The following KCNQ1 variants were observed in gnomAD, a reference collection of about 807,000 sequenced individuals.
The protein encoded by KCNQ1 is potassium voltage-gated channel subfamily Q member 1.
A neutral mutation model predicts 72.4 loss-of-function variants in KCNQ1; 49 were observed. The ratio of observed to expected loss-of-function variants is 0.68; its 90% confidence interval spans 0.54 to 0.86. The LOEUF is 0.86. Ranked by LOEUF, KCNQ1 falls within the 40% of genes least tolerant of loss-of-function variation. The pLI is 0.00. For synonymous variants in KCNQ1, 450 were observed against 412.6 expected, an observed-to-expected ratio of 1.09 and a Z score of -1.10; for missense variants, 790 against 945.1, an observed-to-expected ratio of 0.84 and a Z score of 2.15.
rs867643521 is a variant in KCNQ1 at position 2,536,561 on chromosome 11, C to T, written c.477+8543C>T. ...GGAGGGTAACATGTGATTTTGAGGC[C>T]ACCCGCTACAGCTTCTTGGGACCTC... On this transcript the variant is annotated intron_variant, in intron 2 of 15. Coordinates refer to ENST00000155840, the MANE Select transcript of KCNQ1 (RefSeq NM_000218.3). This position sits in a 1 kb window ranked among gnomAD's most constrained non-coding sequence, Gnocchi z 7.4. 3.9e-4 allele frequency among the ~76,000 whole-genome samples: 59 copies of T among 152,286 alleles called. No homozygotes were observed. Among genetic ancestry groups the T allele is most frequent in the African/African-American group, 1.3e-3 (52 of 41,564 alleles).
At chr11:2,519,982 G>A (rs1017966745) in intron 1 of KCNQ1, among the ~76,000 whole-genome samples, 4 of 152,374 alleles carry the variant, frequency 2.6e-5, no homozygotes, top group Admixed American at 2.6e-4. Context: ...CGGGAGTGAT[G>A]CCGCCACCCA....
rs1375263215 is a variant in KCNQ1, at chr11:2,481,500, C to T, written c.386+36016C>T. 6.6e-6 allele frequency among the ~76,000 whole-genome samples: 1 copy of T among 152,120 alleles called. No homozygotes were observed. Among genetic ancestry groups the T allele is most frequent in the East Asian group, 1.9e-4 (1 of 5,188 alleles). On this transcript the variant is annotated intron_variant, in intron 1 of 15. Transcript: ENST00000155840. The surrounding 1 kb of genome is among the most constrained non-coding windows in gnomAD (Gnocchi z 4.6). Reference sequence around the variant, plus strand: ...GCTGTGTGGCCATCAGCCAGGCGTCCCCAACCCCCAGGCCATGAAGCACTA... The same window carrying T: ...GCTGTGTGGCCATCAGCCAGGCGTCTCCAACCCCCAGGCCATGAAGCACTA...
chr11:2,584,065 C>T (rs1349064016), intron 7 of KCNQ1, among the ~76,000 whole-genome samples: 4 of 151,976 alleles, frequency 2.6e-5, no homozygotes, highest in Non-Finnish European at 5.9e-5. Context: ...TACCTGTATA[C>T]TATGGGTATG....
In KCNQ1 at chr11:2,826,796, C is replaced by T. The variant is rs1475929584; in HGVS notation, c.1795-20971C>T. On this transcript the variant is annotated intron_variant, in intron 15 of 15. Transcript: ENST00000155840. The surrounding 1 kb of genome is among the most constrained non-coding windows in gnomAD (Gnocchi z 4.2). ...GGAGCCATGCTGGGTGCTGGGGAGA[C>T]ACACTAACCACTTCCCCATATGCTC... Among the ~76,000 whole-genome samples, 1 of 152,240 alleles carries T rather than the reference C, an allele frequency of 6.6e-6. No individual in the cohort carries two copies.
intron 10 of KCNQ1, chr11:2,644,797 A>C: frequency 2.5e-6 from 1 of 398,558 alleles, no homozygotes; most frequent in Non-Finnish European, 4.4e-6. Context: ...ATCTCCATGG[A>C]ATTTTTTTCA....
In KCNQ1 at chr11:2,627,456, C is replaced by G. The variant is rs1361255550; in HGVS notation, c.1394-34505C>G. ...TTGTACCCTTCAACATTTCCTATTT[C>G]CCCTACTCCCTGACCCCTAGTAACC... On this transcript the variant is annotated intron_variant, in intron 10 of 15. Coordinates refer to ENST00000155840, the MANE Select transcript of KCNQ1 (RefSeq NM_000218.3). The surrounding 1 kb of genome is among the most constrained non-coding windows in gnomAD (Gnocchi z 4.9). The G allele has an allele frequency of 5.0e-6, 2 of 398,392 alleles. No homozygotes were observed. The allele number at this position is 398,392 out of a possible 1,614,324, so 24.7% of individuals were successfully genotyped here.
chr11:2,585,842 C>T (rs1848584742), intron 8 of KCNQ1, among the ~76,000 whole-genome samples: 1 of 152,182 alleles, frequency 6.6e-6, no homozygotes, highest in African/African-American at 2.4e-5. Context: ...AGCCCTGGAG[C>T]AACAGGGGCA....
chr11:2,681,841 C>T, intron 11 of KCNQ1: 1 of 398,572 alleles, frequency 2.5e-6, no homozygotes, highest in South Asian at 1.3e-4. Context: ...GCTCCCCAAA[C>T]ATCAAGGTAC....
rs80227704 is a variant in KCNQ1 at position 2,641,462 on chromosome 11, T to G, written c.1394-20499T>G. On this transcript the variant is annotated intron_variant, in intron 10 of 15. Coordinates refer to ENST00000155840, the MANE Select transcript of KCNQ1 (RefSeq NM_000218.3). ...TTTGAGAAATATCTATCCATGTCTTTTGCTCACTTTTTATTGGAATTAATT... is the reference window on the plus strand; with the variant it reads ...TTTGAGAAATATCTATCCATGTCTTGTGCTCACTTTTTATTGGAATTAATT... 213 of 398,456 alleles carry G rather than the reference T, an allele frequency of 5.3e-4. 2 individuals are homozygous for G. The East Asian group carries it at 7.6e-3, about 14-fold the overall frequency. 24.7% of individuals were successfully genotyped at this position (398,456 alleles called of 1,614,324 possible). A position where few individuals can be genotyped will look rare whatever the true frequency, so the allele number is the denominator to read the frequency against.
intron 1 of KCNQ1, chr11:2,461,500 C>T (rs1242626319): frequency 7.6e-7 from 1 of 1,310,626 alleles, no homozygotes; most frequent in South Asian, 1.2e-5. Context: ...AAGGCACTGT[C>T]TTTGCGCCTG....
intron 11 of KCNQ1, chr11:2,697,260 A>C (rs1850692979): frequency 2.5e-6 from 1 of 398,492 alleles, no homozygotes; most frequent in Non-Finnish European, 4.4e-6. Flanking sequence ...TGGGGGTTTC[A>C]ATAACTTTTA....
chr11:2,637,488 G>A (rs1313453481), intron 10 of KCNQ1: 2 of 152,228 alleles, frequency 1.3e-5, no homozygotes, highest in Admixed American at 1.3e-4. Context: ...ATGTCGTTGA[G>A]CGGTTTTGAG....
chr11:2,822,312 A>G (rs941035502), intron 15 of KCNQ1, among the ~76,000 whole-genome samples: 1 of 152,224 alleles, frequency 6.6e-6, no homozygotes, highest in Non-Finnish European at 1.5e-5. Context: ...ACCACAGTGC[A>G]GGATGCTGAC....
Position 2,581,814 on chromosome 11 carries a change from G to A in KCNQ1, c.922-1621G>A, listed in dbSNP as rs144684449. On this transcript the variant is annotated intron_variant, in intron 6 of 15. Coordinates refer to ENST00000155840, the MANE Select transcript of KCNQ1 (RefSeq NM_000218.3). ...AGTGTGCACCCACATACACAGAGCCGGGTGGTCCACTGAAAGGGCCTGGCA... is the reference window on the plus strand; with the variant it reads ...AGTGTGCACCCACATACACAGAGCCAGGTGGTCCACTGAAAGGGCCTGGCA... Among the ~76,000 whole-genome samples the A allele has an allele frequency of 4.0e-3, 605 of 152,342 alleles. 8 individuals are homozygous for A. Among genetic ancestry groups the A allele is most frequent in the African/African-American group, 0.013 (553 of 41,588 alleles).
rs1178447582 is a variant in KCNQ1 at position 2,456,763 on chromosome 11, TCCA to T, written c.386+11280_386+11282del. Among the ~76,000 whole-genome samples, 42 of 54,660 alleles carry T rather than the reference TCCA, an allele frequency of 7.7e-4. 3 individuals are homozygous for T. Among genetic ancestry groups the T allele is most frequent in the African/African-American group, 2.2e-3 (39 of 17,560 alleles). The allele number at this position is 54,660 out of a possible 152,430, so 35.9% of individuals were successfully genotyped here. ...GGTGAAACCCTGTCTCTACTAAAAA[TCCA>T]AAAAAAAAAAAAAAAAAAAAAAATT... On this transcript the variant is annotated intron_variant, in intron 1 of 15. Coordinates refer to ENST00000155840, the MANE Select transcript of KCNQ1 (RefSeq NM_000218.3).
chr11:2,788,997 C>T (rs1308631339), intron 15 of KCNQ1, among the ~76,000 whole-genome samples: 1 of 152,168 alleles, frequency 6.6e-6, no homozygotes, highest in Non-Finnish European at 1.5e-5. Flanking sequence ...GTCTTCAGAC[C>T]TGGCATTCTC....
rs2133633297 is a variant in KCNQ1 at position 2,495,092 on chromosome 11, T to C, written c.387-32836T>C. Among the ~76,000 whole-genome samples, 1 of 152,334 alleles carries C rather than the reference T, an allele frequency of 6.6e-6. No individual in the cohort carries two copies. Among genetic ancestry groups the C allele is most frequent in the African/African-American group, 2.4e-5 (1 of 41,576 alleles). On this transcript the variant is annotated intron_variant, in intron 1 of 15. Transcript: ENST00000155840. The surrounding 1 kb of genome is among the most constrained non-coding windows in gnomAD (Gnocchi z 4.6). ...GAGGGTGTATGTGTCCAGGAATTTATCCATTTTTTCTAGATTTTCTAGTTT... is the reference window on the plus strand; with the variant it reads ...GAGGGTGTATGTGTCCAGGAATTTACCCATTTTTTCTAGATTTTCTAGTTT...
At chr11:2,532,754 C>T (rs1847662356) in intron 2 of KCNQ1, among the ~76,000 whole-genome samples, 1 of 152,184 alleles carries the variant, frequency 6.6e-6, no homozygotes, top group Non-Finnish European at 1.5e-5. Context: ...CTGTGGGGAT[C>T]AGAGCACAGG....
intron 10 of KCNQ1, chr11:2,610,704 A>G: frequency 3.7e-6 from 1 of 269,918 alleles, no homozygotes; most frequent in Admixed American, 7.6e-5. Context: ...TGGACACAGT[A>G]TTCTTGGTTG....
Sources: gnomAD v4.1 joint callset for allele counts (sites outside exome capture counted in the v4.1 genomes callset) on GRCh38, gnomAD v4.1.1 for gene constraint, Gnocchi (gnomAD v3.1) non-coding constraint, MANE v1.5 for transcripts, NCBI Gene and HGNC (gene_info 2026-07-23, HGNC 2026-07-21) for gene names.